GALNTL6: variants seen among roughly 807,000 people sequenced by gnomAD.
GALNTL6 encodes polypeptide N-acetylgalactosaminyltransferase like 6.
Under a neutral mutation model 73.7 loss-of-function variants are expected in GALNTL6, and 46 were observed. The ratio of observed to expected loss-of-function variants is 0.62; its 90% CI spans 0.49 to 0.80. The LOEUF (loss-of-function observed/expected upper bound fraction) is 0.80. Among genes scored for constraint, GALNTL6 ranks in the 30% least tolerant of loss-of-function variants. The probability of loss-of-function intolerance (pLI) is 0.00; values close to 1 mark genes in which losing one functional copy is unlikely to be tolerated. For missense variants in GALNTL6, 604 were observed against 755.0 expected (o/e 0.80, Z 2.34); for synonymous variants, 259 against 263.7 (o/e 0.98, Z 0.17).
chr4:172,072,988 A>G (rs916573490), intron 2 of GALNTL6, among the ~76,000 whole-genome samples: 2 of 152,286 alleles, frequency 1.3e-5, no homozygotes, highest in African/African-American at 4.8e-5. Flanking sequence ...ATACCTGCCT[A>G]ATTCTCACTT....
intron 5 of GALNTL6, among the ~76,000 whole-genome samples, chr4:172,803,566 T>C (rs1260931968): frequency 6.6e-6 from 1 of 152,194 alleles, no homozygotes. Context: ...ACAAGAATAC[T>C]TCATAGGTGG....
At chr4:172,007,641 T>G (rs1204434243) in intron 2 of GALNTL6, among the ~76,000 whole-genome samples, 1 of 152,148 alleles carries the variant, frequency 6.6e-6, no homozygotes, top group African/African-American at 2.4e-5. Flanking sequence ...GATCATCTTT[T>G]TAGTTCTCAG....
At chr4:172,665,966 A>G (rs1731640712) in intron 5 of GALNTL6, among the ~76,000 whole-genome samples, 1 of 152,000 alleles carries the variant, frequency 6.6e-6, no homozygotes, top group South Asian at 2.1e-4. Context: ...CCCTTCTTAC[A>G]TATTCTGCTT....
At chr4:172,581,062 G>A (rs893736215) in intron 5 of GALNTL6, among the ~76,000 whole-genome samples, 1 of 152,096 alleles carries the variant, frequency 6.6e-6, no homozygotes, top group African/African-American at 2.4e-5. Context: ...GTGCCCGGCT[G>A]GCTGTTTTCT....
chr4:171,890,903 G>A (rs899318491), intron 2 of GALNTL6, among the ~76,000 whole-genome samples: 5 of 152,052 alleles, frequency 3.3e-5, no homozygotes, highest in Non-Finnish European at 7.4e-5. Context: ...TTGCTAATTA[G>A]CCTTATCCCT....
intron 2 of GALNTL6, among the ~76,000 whole-genome samples, chr4:172,219,902 C>T (rs935696603): frequency 1.3e-5 from 2 of 151,882 alleles, no homozygotes; most frequent in Non-Finnish European, 1.5e-5. Context: ...TGCTTACCCA[C>T]GTAAGAACCA....
chr4:172,946,124 C>T (rs1579690882), intron 9 of GALNTL6, among the ~76,000 whole-genome samples: 1 of 148,432 alleles, frequency 6.7e-6, no homozygotes, highest in East Asian at 2.0e-4. Context: ...GGGGAAAAAG[C>T]GTGTGTGTGT....
At chr4:172,750,655 A>G (rs1005820228) in intron 5 of GALNTL6, among the ~76,000 whole-genome samples, 1 of 152,112 alleles carries the variant, frequency 6.6e-6, no homozygotes, top group African/African-American at 2.4e-5. Context: ...ATAATATAAT[A>G]CTCTCAAATA....
intron 10 of GALNTL6, among the ~76,000 whole-genome samples, chr4:172,971,619 G>C (rs1750587973): frequency 6.6e-6 from 1 of 152,182 alleles, no homozygotes; most frequent in Non-Finnish European, 1.5e-5. Context: ...ACACTGGGGA[G>C]GATGGAAGAA....
At chr4:172,265,954 A>G (rs1738437687) in intron 3 of GALNTL6, among the ~76,000 whole-genome samples, 1 of 152,082 alleles carries the variant, frequency 6.6e-6, no homozygotes, top group Non-Finnish European at 1.5e-5. Flanking sequence ...TATTCTCCAC[A>G]TTAAAATTTA....
intron 10 of GALNTL6, among the ~76,000 whole-genome samples, chr4:172,973,396 A>G (rs938379100): frequency 3.9e-5 from 6 of 152,220 alleles, no homozygotes; most frequent in Non-Finnish European, 8.8e-5. Context: ...ACTTCAGTCT[A>G]TAAGAAATTC....
At chr4:172,253,279 G>A (rs1364352167) in intron 3 of GALNTL6, among the ~76,000 whole-genome samples, 1 of 151,852 alleles carries the variant, frequency 6.6e-6, no homozygotes, top group Non-Finnish European at 1.5e-5. Context: ...ATTCCAGTGA[G>A]GAATTAAATT....
intron 5 of GALNTL6, among the ~76,000 whole-genome samples, chr4:172,576,227 T>A (rs1736950402): frequency 6.6e-6 from 1 of 152,182 alleles, no homozygotes; most frequent in Non-Finnish European, 1.5e-5. Flanking sequence ...CAGAATGAAG[T>A]GCTCTGAGCA....
At chr4:172,167,710 G>A (rs1270440770) in intron 2 of GALNTL6, among the ~76,000 whole-genome samples, 1 of 151,920 alleles carries the variant, frequency 6.6e-6, no homozygotes, top group Non-Finnish European at 1.5e-5. Context: ...TGTAATCCCA[G>A]CACTTTGGGA....
At chr4:172,029,996 G>A (rs1280445865) in intron 2 of GALNTL6, among the ~76,000 whole-genome samples, 1 of 152,092 alleles carries the variant, frequency 6.6e-6, no homozygotes, top group African/African-American at 2.4e-5. Context: ...GTTTATGTGT[G>A]TATGTCGAAC....
chr4:173,023,291 T>A (rs540136795), intron 12 of GALNTL6, among the ~76,000 whole-genome samples: 2 of 152,200 alleles, frequency 1.3e-5, no homozygotes, highest in African/African-American at 2.4e-5. Context: ...TGGACTTGTT[T>A]GTATAAGTTT....
chr4:172,904,911 C>G (rs1293833147), intron 8 of GALNTL6, among the ~76,000 whole-genome samples: 2 of 152,140 alleles, frequency 1.3e-5, no homozygotes, highest in Non-Finnish European at 2.9e-5. Context: ...CTGCCACACA[C>G]AAATGCACAT....
intron 2 of GALNTL6, among the ~76,000 whole-genome samples, chr4:171,996,823 G>A (rs1351452744): frequency 6.6e-6 from 1 of 151,748 alleles, no homozygotes; most frequent in African/African-American, 2.4e-5. Context: ...CAGCCCATGG[G>A]CCACGGGTTG....
At chr4:172,405,805 T>C (rs1169734134) in intron 5 of GALNTL6, among the ~76,000 whole-genome samples, 1 of 151,954 alleles carries the variant, frequency 6.6e-6, no homozygotes, top group Non-Finnish European at 1.5e-5. Flanking sequence ...GTGCTTATCC[T>C]AACATGAAAC....
Sources: allele counts gnomAD v4.1 joint callset (sites outside exome capture counted in the v4.1 genomes callset), GRCh38; gene constraint gnomAD v4.1.1; transcripts MANE v1.5; gene names NCBI Gene and HGNC (gene_info 2026-07-23, HGNC 2026-07-21).